SLC6A17: variants seen among roughly 807,000 people sequenced by gnomAD.
SLC6A17 encodes sodium-dependent neutral amino acid transporter SLC6A17.
A neutral mutation model predicts 64.5 loss-of-function variants in SLC6A17; 21 were observed. The observed-to-expected ratio is 0.33, with a 90% confidence interval of 0.23 to 0.47. SLC6A17 has a LOEUF of 0.47. Among genes scored for constraint, SLC6A17 ranks in the 20% least tolerant of loss-of-function variants. SLC6A17 has a pLI of 1.00. For missense variants in SLC6A17, 682 were observed against 963.2 expected, an observed-to-expected ratio of 0.71 and a Z score of 3.86; for synonymous variants, 372 against 399.5, an observed-to-expected ratio of 0.93 and a Z score of 0.82.
At position 110,198,341 on chromosome 1, in the gene SLC6A17, A is replaced by C; in HGVS notation, c.2081A>C (p.Tyr694Ser). ...APSPMPTHRS[Y>S]LGPGSTSPLE... The stretch of plus-strand genomic sequence containing the variant: ...TCCCCCATGCCCACTCACCGTTCCT[A>C]TCTGGGGCCCGGCAGCACATCACCC... Residue 694 changes from tyrosine (Y) to serine (S), a missense_variant, in exon 12 of 12, where the codon TAT (tyrosine) becomes TCT (serine). Tyr to Ser is a moderately radical substitution (Grantham distance 144, BLOSUM62 -2). Around this residue, in one of 3 missense-constraint regions of SLC6A17, gnomAD observed 264 missense variants for 339.5 expected, o/e 0.78. Transcript: ENST00000331565. The C allele has an allele frequency of 6.2e-7, 1 of 1,614,122 alleles. No homozygotes were observed. Among genetic ancestry groups the C allele is most frequent in the Non-Finnish European group, 8.5e-7 (1 of 1,180,002 alleles).
At chr1:110,153,731 C>G (rs892672042) in intron 1 of SLC6A17, among the ~76,000 whole-genome samples, 4 of 152,038 alleles carry the variant, frequency 2.6e-5, no homozygotes, top group Non-Finnish European at 5.9e-5. Flanking sequence ...GACAATTCAT[C>G]ATTAATCCCT....
chr1:110,161,214 T>C (rs1557829831), intron 1 of SLC6A17, among the ~76,000 whole-genome samples: 1 of 152,216 alleles, frequency 6.6e-6, no homozygotes, highest in Admixed American at 6.5e-5. Context: ...CGGCCTGTTT[T>C]GGGCTCAGTA....
intron 1 of SLC6A17, among the ~76,000 whole-genome samples, chr1:110,160,522 T>G (rs1655878705): frequency 6.6e-6 from 1 of 152,208 alleles, no homozygotes; most frequent in Non-Finnish European, 1.5e-5. Context: ...CGCTCCTGCC[T>G]CAAGGAGATT....
At chr1:110,153,070 T>G (rs1311063005) in intron 1 of SLC6A17, among the ~76,000 whole-genome samples, 2 of 152,080 alleles carry the variant, frequency 1.3e-5, no homozygotes, top group Non-Finnish European at 2.9e-5. Context: ...AGGGGTGGGG[T>G]TCAGCTGTGC....
chr1:110,163,398 A>G (rs548937781), intron 1 of SLC6A17, among the ~76,000 whole-genome samples: 41 of 152,214 alleles, frequency 2.7e-4, no homozygotes, highest in African/African-American at 8.4e-4. Context: ...GGACTTACAT[A>G]TTTTTTAAAT....
At chr1:110,176,493 C>G in intron 5 of SLC6A17, 136 bp from the exon 6 acceptor site, 1 of 789,614 alleles carries the variant, frequency 1.3e-6, no homozygotes, top group East Asian at 2.6e-5. Flanking sequence ...AGTTTTGGCC[C>G]TCTGCCCAGG....
chr1:110,177,217 G>C (rs1656398768), intron 6 of SLC6A17, among the ~76,000 whole-genome samples: 1 of 152,168 alleles, frequency 6.6e-6, no homozygotes, highest in Admixed American at 6.5e-5. Flanking sequence ...AAGCTCCTGG[G>C]AATCTCCCCT....
chr1:110,159,069 T>C (rs1009989998), intron 1 of SLC6A17, among the ~76,000 whole-genome samples: 1 of 152,226 alleles, frequency 6.6e-6, no homozygotes, highest in African/African-American at 2.4e-5. Flanking sequence ...GGTATCTACC[T>C]GATATAATTA....
At chr1:110,197,159 A>G (rs1053512352) in intron 10 of SLC6A17, among the ~76,000 whole-genome samples, 1 of 152,216 alleles carries the variant, frequency 6.6e-6, no homozygotes, top group Non-Finnish European at 1.5e-5. Flanking sequence ...CTGTCTATAC[A>G]TAAAACAGAC....
intron 1 of SLC6A17, among the ~76,000 whole-genome samples, chr1:110,161,051 G>A (rs528391132): frequency 3.9e-5 from 6 of 152,336 alleles, no homozygotes; most frequent in East Asian, 1.9e-4. Context: ...GTCAAGAAGG[G>A]TGTGGGGTCC....
chr1:110,181,223 G>A (rs17671169), intron 6 of SLC6A17, among the ~76,000 whole-genome samples: 52,400 of 152,052 alleles, frequency 0.34, 10,948 homozygotes, highest in Non-Finnish European at 0.47. Flanking sequence ...GATTATGGTC[G>A]GATTTTTAAC....
chr1:110,193,712 G>T (rs1465381645), intron 8 of SLC6A17, among the ~76,000 whole-genome samples: 1 of 152,216 alleles, frequency 6.6e-6, no homozygotes, highest in South Asian at 2.1e-4. Flanking sequence ...CCACTGCCCT[G>T]GTTTCTTCCC....
intron 6 of SLC6A17, among the ~76,000 whole-genome samples, chr1:110,189,511 C>G (rs495959): frequency 6.6e-6 from 1 of 152,194 alleles, no homozygotes; most frequent in Admixed American, 6.5e-5. Flanking sequence ...GCCGCTTCCT[C>G]GAAGGTCTGC....
In SLC6A17 at chr1:110,173,914, G is replaced by C. The variant is rs1224206415; in HGVS notation, c.445-59G>C. 5.0e-6 allele frequency: 8 copies of C among 1,590,450 alleles called. No homozygotes were observed. In the African/African-American group the frequency reaches 6.8e-5, roughly 13 times the overall value. On this transcript the variant is annotated intron_variant, in intron 3 of 11. Coordinates refer to ENST00000331565, the MANE Select transcript of SLC6A17 (RefSeq NM_001010898.4). ...CGACGTGCTGGGCCTCGGGTGGAGC[G>C]TGGGGGCAGGGTGGAGTTGCCTGCA...
chr1:110,192,835 TC>T lies in SLC6A17; in HGVS notation c.1299+139del. ...TTGGTAAGCAAGGATCTGCTGTGTG[TC>T]CAGAGGGAGTGAAAGGGAAGAAAGG... On this transcript the variant is annotated intron_variant, in intron 8 of 11. Coordinates refer to ENST00000331565, the MANE Select transcript of SLC6A17 (RefSeq NM_001010898.4). This position sits in a 1 kb window ranked among gnomAD's most constrained non-coding sequence, Gnocchi z 4.3. 4.8e-6 allele frequency: 5 copies of T among 1,037,134 alleles called. No homozygotes were observed. The South Asian group carries it at 5.3e-5, about 11-fold the overall frequency. The allele number at this position is 1,037,134 out of a possible 1,614,324, so 64.2% of individuals were successfully genotyped here.
At chr1:110,195,089 A>C (rs2100950723) in intron 9 of SLC6A17, 2 of 452,396 alleles carry the variant, frequency 4.4e-6, no homozygotes, top group East Asian at 9.1e-5. Context: ...GGGCAGGGGC[A>C]CTCACTGGCC....
At chr1:110,164,862 T>C (rs1220171810) in intron 1 of SLC6A17, among the ~76,000 whole-genome samples, 2 of 152,228 alleles carry the variant, frequency 1.3e-5, no homozygotes, top group Non-Finnish European at 1.5e-5. Context: ...AGCAGCAAGA[T>C]AAATTCTGCA....
chr1:110,172,547 C>A, intron 3 of SLC6A17: 1 of 221,692 alleles, frequency 4.5e-6, no homozygotes, highest in Non-Finnish European at 8.9e-6. Context: ...AGATGCCCTT[C>A]TCTGCTTATC....
intron 1 of SLC6A17, among the ~76,000 whole-genome samples, chr1:110,165,838 TGCAGGGCAACC>T (rs1570982755): frequency 6.6e-6 from 1 of 152,224 alleles, no homozygotes; most frequent in Non-Finnish European, 1.5e-5. Flanking sequence ...CCTAGAAAGA[TGCAGGGCAACC>T]GCAGGCTGGG....
Sources: allele counts gnomAD v4.1 joint callset (sites outside exome capture counted in the v4.1 genomes callset), GRCh38; gene constraint gnomAD v4.1.1; regional missense constraint gnomAD v4.1.1; non-coding constraint Gnocchi (gnomAD v3.1); transcripts MANE v1.5; gene names NCBI Gene and HGNC (gene_info 2026-07-23, HGNC 2026-07-21).